Variants in ABHD12 observed in about 807,000 individuals in gnomAD.
ABHD12 encodes the protein abhydrolase domain containing 12, lysophospholipase, also known as lysophosphatidylserine lipase ABHD12.
Under a neutral mutation model 58.3 loss-of-function variants are expected in ABHD12, and 43 were observed. The ratio of observed to expected loss-of-function variants is 0.74; its 90% confidence interval spans 0.58 to 0.95. The LOEUF is 0.95. Ranked by LOEUF, ABHD12 falls within the 40% of genes least tolerant of loss-of-function variation. The pLI, the probability that ABHD12 is intolerant of heterozygous loss-of-function variation, is 0.00. For missense variants in ABHD12, 539 were observed against 537.2 expected (o/e 1.00, Z -0.03); for synonymous variants, 219 against 211.2 (o/e 1.04, Z -0.32).
intron 2 of ABHD12, among the ~76,000 whole-genome samples, chr20:25,337,817 A>C (rs2089397747): frequency 6.6e-6 from 1 of 152,226 alleles, no homozygotes; most frequent in Non-Finnish European, 1.5e-5. Context: ...TCAGAAAAAC[A>C]AAACTCCCAT....
chr20:25,374,509 T>C (rs1286019420), intron 1 of ABHD12, among the ~76,000 whole-genome samples: 1 of 152,224 alleles, frequency 6.6e-6, no homozygotes, highest in Non-Finnish European at 1.5e-5. Flanking sequence ...TTGTTTGTTT[T>C]TGAGATGGAA....
At chr20:25,314,013 C>T (rs1484486187) in intron 6 of ABHD12, among the ~76,000 whole-genome samples, 1 of 151,222 alleles carries the variant, frequency 6.6e-6, no homozygotes, top group African/African-American at 2.4e-5. Flanking sequence ...TTGCTTGTCG[C>T]CAAGGCTGGA....
At chr20:25,296,745 G>A, downstream of ABHD12, 1 of 613,670 alleles carries the variant, frequency 1.6e-6, no homozygotes, top group East Asian at 3.2e-5. Flanking sequence ...AGAGTTGACA[G>A]TACAAAGGGT....
At chr20:25,299,403 A>T (rs1324285003), downstream of ABHD12, among the ~76,000 whole-genome samples, 2 of 152,130 alleles carry the variant, frequency 1.3e-5, no homozygotes, top group Non-Finnish European at 2.9e-5. Context: ...GTCTCAAAAA[A>T]ACAAAAAACC....
rs542187525 is a variant in ABHD12 at position 25,354,298 on chromosome 20, G to A, written c.192-14947C>T. Among the ~76,000 whole-genome samples the A allele has an allele frequency of 9.8e-5, 15 of 152,312 alleles. No homozygotes were observed. The East Asian group carries it at 2.9e-3, about 29-fold the overall frequency. On this transcript the variant is annotated intron_variant, in intron 1 of 12. Coordinates refer to ENST00000339157, the MANE Select transcript of ABHD12 (RefSeq NM_001042472.3). ...GTTCACAGGTGTAGCGGCAGAAGAC[G>A]GACACAGGGTGCACACTGTCCTGGA... is the stretch of plus-strand genomic sequence containing the variant.
At chr20:25,302,134 G>T in intron 12 of ABHD12, 85 bp downstream of exon 12, 1 of 1,598,268 alleles carries the variant, frequency 6.3e-7, no homozygotes. Flanking sequence ...CCCCTGAGCA[G>T]CTTCAGCAGC....
chr20:25,376,417 C>G (rs904643373), intron 1 of ABHD12, among the ~76,000 whole-genome samples: 2 of 152,152 alleles, frequency 1.3e-5, no homozygotes, highest in African/African-American at 4.8e-5. Context: ...ATAAAACACA[C>G]AAGAGCAGTC....
intron 1 of ABHD12, among the ~76,000 whole-genome samples, chr20:25,374,643 G>A (rs1171714417): frequency 2.0e-5 from 3 of 152,136 alleles, no homozygotes. Context: ...ACAGGCATGT[G>A]CCACCACACC....
At chr20:25,324,220 G>A (rs2145982569) in intron 2 of ABHD12, among the ~76,000 whole-genome samples, 1 of 152,262 alleles carries the variant, frequency 6.6e-6, no homozygotes, top group African/African-American at 2.4e-5. Context: ...GTGACTGTGG[G>A]TGCGGGTGCG....
intron 1 of ABHD12, among the ~76,000 whole-genome samples, chr20:25,375,802 G>A (rs1050545693): frequency 2.0e-5 from 3 of 152,180 alleles, no homozygotes; most frequent in Non-Finnish European, 1.5e-5. Context: ...TTGGTCAGTA[G>A]TGGAAGTTCT....
At chr20:25,388,780 ATT>A (rs1372030724) in intron 1 of ABHD12, among the ~76,000 whole-genome samples, 1 of 105,930 alleles carries the variant, frequency 9.4e-6, no homozygotes, top group African/African-American at 3.5e-5. Context: ...AAACAATTTG[ATT>A]TTTTCTTTTT....
At chr20:25,320,364 GTCC>G in intron 3 of ABHD12, 46 bp from the exon 4 acceptor site, 1 of 1,608,894 alleles carries the variant, frequency 6.2e-7, no homozygotes, top group Non-Finnish European at 8.5e-7. Flanking sequence ...TGTCCCTTCT[GTCC>G]TCATCCTGGC....
Position 25,300,460 on chromosome 20 carries a change from T to C in ABHD12, c.*385A>G, listed in dbSNP as rs1334888816. On this transcript the variant is annotated 3_prime_UTR_variant, in exon 13 of 13. Coordinates refer to ENST00000339157, the MANE Select transcript of ABHD12 (RefSeq NM_001042472.3). ...GAAAGAACCTGGACCCCACGTTCTC[T>C]GTGGGTGGTGCCAAAAAGCTCAGCA... The C allele has an allele frequency of 8.2e-7, 1 of 1,215,758 alleles. No individual in the cohort carries two copies. The highest frequency in any genetic ancestry group is 1.0e-6 in the Non-Finnish European group (1 of 962,570). The allele number at this position is 1,215,758 out of a possible 1,614,324, so 75.3% of individuals were successfully genotyped here.
At chr20:25,375,699 G>A (rs1311614821) in intron 1 of ABHD12, among the ~76,000 whole-genome samples, 1,694 of 152,296 alleles carry the variant, frequency 0.011, 32 homozygotes, top group African/African-American at 0.036. Context: ...GTCCTTTGTT[G>A]CTTGGTGCCC....
chr20:25,353,271 T>C (rs1185394817), intron 1 of ABHD12, among the ~76,000 whole-genome samples: 6 of 151,898 alleles, frequency 4.0e-5, no homozygotes, highest in East Asian at 1.9e-4. Flanking sequence ...TCTGTTTTTT[T>C]TTTTCCTGGC....
downstream of ABHD12, chr20:25,297,487 C>T (rs2145908684): frequency 6.6e-6 from 1 of 152,540 alleles, no homozygotes; most frequent in South Asian, 2.1e-4. Flanking sequence ...CTCCATTCTC[C>T]CTCCCTTTCC....
chr20:25,332,027 C>G (rs2089285264), intron 2 of ABHD12, among the ~76,000 whole-genome samples: 1 of 152,114 alleles, frequency 6.6e-6, no homozygotes. Flanking sequence ...GATAAAGAGT[C>G]AAGACCCATC....
intron 2 of ABHD12, among the ~76,000 whole-genome samples, chr20:25,329,389 G>A (rs2089229989): frequency 6.6e-6 from 1 of 152,222 alleles, no homozygotes; most frequent in South Asian, 2.1e-4. Flanking sequence ...GGGCTGCTGG[G>A]ACTGAGGCCT....
chr20:25,344,762 C>A (rs188646849), intron 1 of ABHD12, among the ~76,000 whole-genome samples: 8 of 152,144 alleles, frequency 5.3e-5, no homozygotes, highest in African/African-American at 1.9e-4. Context: ...TGAATACTTA[C>A]AATAAAGCCA....
Sources: gnomAD v4.1 joint callset for allele counts (sites outside exome capture counted in the v4.1 genomes callset) on GRCh38, gnomAD v4.1.1 for gene constraint, MANE v1.5 for transcripts, NCBI Gene and HGNC (gene_info 2026-07-23, HGNC 2026-07-21) for gene names.